DCAF8L2: variants seen among roughly 807,000 people sequenced by gnomAD.
DCAF8L2 encodes DDB1 and CUL4 associated factor 8 like 2, also known as DDB1- and CUL4-associated factor 8-like protein 2.
For synonymous variants in DCAF8L2, 200 were observed against 190.9 expected, an observed-to-expected ratio of 1.05 and a Z score of -0.39; for missense variants, 430 against 490.7, an observed-to-expected ratio of 0.88 and a Z score of 1.17.
At chrX:27,671,373 C>T (rs1929947448) in intron 2 of DCAF8L2, among the ~76,000 whole-genome samples, 1 of 111,977 alleles carries the variant, frequency 8.9e-6, no homozygotes, top group Admixed American at 9.5e-5. Context: ...ATTTAATTTA[C>T]TAAATCCTTA....
At chrX:27,592,433 GTTTA>G (rs1250062398) in intron 1 of DCAF8L2, among the ~76,000 whole-genome samples, 3 of 91,453 alleles carry the variant, frequency 3.3e-5, no homozygotes, top group Non-Finnish European at 4.5e-5. Context: ...TTTTTTTTTG[GTTTA>G]TTTATTTATT....
At chrX:27,586,321 T>C (rs1925902428), upstream of DCAF8L2, among the ~76,000 whole-genome samples, 1 of 111,625 alleles carries the variant, frequency 9.0e-6, no homozygotes, top group Non-Finnish European at 1.9e-5. Flanking sequence ...GGTATATATA[T>C]ATATGTTCAG....
At chrX:27,574,012 T>C in the DCAF8L2 span, among the ~76,000 whole-genome samples, 1 of 110,392 alleles carries the variant, frequency 9.1e-6, no homozygotes, top group Non-Finnish European at 1.9e-5. Context: ...AAAATTTTTA[T>C]AGTAACAAGG....
intron 2 of DCAF8L2, among the ~76,000 whole-genome samples, chrX:27,672,976 C>T (rs764363411): frequency 2.1e-4 from 23 of 110,522 alleles, no homozygotes; most frequent in Non-Finnish European, 3.8e-5. Flanking sequence ...CACTTAAATG[C>T]ACAGTTGAGG....
At chrX:27,746,263 A>ATC (rs1165889137) in intron 4 of DCAF8L2, among the ~76,000 whole-genome samples, 1 of 112,539 alleles carries the variant, frequency 8.9e-6, no homozygotes, top group East Asian at 2.8e-4. Context: ...AAAAGTATTC[A>ATC]TCCTTTATCT....
At chrX:27,648,823 TC>T (rs942833089) in intron 2 of DCAF8L2, among the ~76,000 whole-genome samples, 5 of 111,261 alleles carry the variant, frequency 4.5e-5, no homozygotes, top group African/African-American at 1.6e-4. Context: ...ATGGAATTGT[TC>T]AGAACTTTCA....
chrX:27,738,774 T>G (rs1383841650), intron 4 of DCAF8L2, among the ~76,000 whole-genome samples: 2 of 112,268 alleles, frequency 1.8e-5, no homozygotes, highest in Non-Finnish European at 3.8e-5. Flanking sequence ...AGTTGGCACT[T>G]CCAAACCTTC....
chrX:27,747,820 A>G lies in DCAF8L2; in HGVS notation c.925A>G (p.Asn309Asp). Residue 309 changes from asparagine (N) to aspartate (D), a missense_variant, in exon 5 of 5, where the codon AAC becomes GAC. Coordinates refer to ENST00000451261, the MANE Select transcript of DCAF8L2 (RefSeq NM_001353450.2). ...AGAGTTAATTAATGCATCATATTTC[A>G]ACAATACTAAGTGTGTGGCCCAGCA... The part of the protein sequence containing the change: ...VAELINASYF[N>D]NTKCVAQHRG... 1 of 1,208,842 alleles carries G rather than the reference A, an allele frequency of 8.3e-7. No individual in the cohort carries two copies. The highest frequency in any genetic ancestry group is 1.1e-6 in the Non-Finnish European group (1 of 893,820).
At chrX:27,484,176 G>T in the DCAF8L2 span, among the ~76,000 whole-genome samples, 1 of 111,525 alleles carries the variant, frequency 9.0e-6, no homozygotes, top group East Asian at 2.8e-4. Flanking sequence ...ATCAGTTACA[G>T]CAAAAAAGCA....
chrX:27,677,795 C>A, intron 2 of DCAF8L2, 41 bp from the exon 3 acceptor site: 2 of 111,564 alleles, frequency 1.8e-5, no homozygotes, highest in Middle Eastern at 4.7e-3. Context: ...ATTATCATAA[C>A]CTTAATGAGA....
Position 27,676,434 on chromosome X carries a change from A to C in DCAF8L2, c.-219-1402A>C, listed in dbSNP as rs1295023740. Among the ~76,000 whole-genome samples, 3 of 111,700 alleles carry C rather than the reference A, an allele frequency of 2.7e-5. No homozygotes were observed. The South Asian group carries it at 1.1e-3, about 42-fold the overall frequency. On this transcript the variant is annotated intron_variant, in intron 2 of 4. Transcript: ENST00000451261. ...TGTACATATATATGTATATATGAATAAATGTATGTCTACTTATACAATATT... is the reference window on the plus strand; with the variant it reads ...TGTACATATATATGTATATATGAATCAATGTATGTCTACTTATACAATATT...
chrX:27,597,905 C>T (rs1474695251), intron 1 of DCAF8L2, among the ~76,000 whole-genome samples: 1 of 112,345 alleles, frequency 8.9e-6, no homozygotes, highest in Admixed American at 9.5e-5. Flanking sequence ...GTATTCTCTC[C>T]TCTGACATTA....
chrX:27,646,989 A>G (rs1274039096), intron 2 of DCAF8L2, among the ~76,000 whole-genome samples: 1 of 112,022 alleles, frequency 8.9e-6, no homozygotes, highest in Non-Finnish European at 1.9e-5. Context: ...ACAATTGTGG[A>G]AGACAGTGTG....
At chrX:27,594,743 A>T (rs1444862154) in intron 1 of DCAF8L2, among the ~76,000 whole-genome samples, 1 of 111,523 alleles carries the variant, frequency 9.0e-6, no homozygotes, top group African/African-American at 3.3e-5. Flanking sequence ...TCATTTGGTC[A>T]CGTTCTCCAA....
At chrX:27,663,836 T>C (rs1196132561) in intron 2 of DCAF8L2, among the ~76,000 whole-genome samples, 1 of 106,397 alleles carries the variant, frequency 9.4e-6, no homozygotes, top group African/African-American at 3.4e-5. Context: ...TAGCTGTCAC[T>C]ACAGGTGTGT....
chrX:27,588,859 A>G (rs112519517), upstream of DCAF8L2, among the ~76,000 whole-genome samples: 8,415 of 110,808 alleles, frequency 0.076, 301 homozygotes, highest in Non-Finnish European at 0.11. Flanking sequence ...ATAACCTGTT[A>G]TTCCCATTTA....
the DCAF8L2 span, among the ~76,000 whole-genome samples, chrX:27,470,377 A>G: frequency 1.8e-5 from 2 of 111,815 alleles, no homozygotes; most frequent in African/African-American, 3.3e-5. Context: ...TTTCATAGAG[A>G]AAGTTCCTAC....
chrX:27,670,585 A>G (rs1929916979), intron 2 of DCAF8L2, among the ~76,000 whole-genome samples: 1 of 111,497 alleles, frequency 9.0e-6, no homozygotes, highest in Non-Finnish European at 1.9e-5. Flanking sequence ...GAAAGAATCT[A>G]CATAACCCAG....
chrX:27,698,015 A>T (rs192513617), intron 3 of DCAF8L2, among the ~76,000 whole-genome samples: 2 of 109,536 alleles, frequency 1.8e-5, no homozygotes, highest in Admixed American at 9.7e-5. Flanking sequence ...TGAATTTAAA[A>T]TTTTTTTTAT....
Sources: allele counts gnomAD v4.1 joint callset (sites outside exome capture counted in the v4.1 genomes callset), GRCh38; gene constraint gnomAD v4.1.1; transcripts MANE v1.5; gene names NCBI Gene and HGNC (gene_info 2026-07-23, HGNC 2026-07-21).